Variants in CDH8 observed in about 807,000 individuals in gnomAD.
The protein encoded by CDH8 is cadherin-8.
CDH8 carries 17 observed loss-of-function variants against 68.1 expected under a neutral mutation model. The observed-to-expected ratio is 0.25, with a 90% CI of 0.17 to 0.37. The LOEUF (loss-of-function observed/expected upper bound fraction) is 0.37. Among genes scored for constraint, CDH8 ranks in the 10% least tolerant of loss-of-function variants. The probability of loss-of-function intolerance (pLI) is 1.00; values close to 1 mark genes in which losing one functional copy is unlikely to be tolerated. For synonymous variants in CDH8, 372 were observed against 365.1 expected (o/e 1.02, Z -0.21); for missense variants, 763 against 999.3 (o/e 0.76, Z 3.19).
intron 4 of CDH8, among the ~76,000 whole-genome samples, chr16:61,835,049 TAA>T (rs1962539561): frequency 1.3e-5 from 2 of 151,974 alleles, no homozygotes; most frequent in African/African-American, 4.8e-5. Context: ...GAATGCTTAG[TAA>T]GATATTTGTC....
intron 8 of CDH8, among the ~76,000 whole-genome samples, chr16:61,767,463 T>C (rs1465332418): frequency 6.6e-6 from 1 of 151,928 alleles, no homozygotes; most frequent in Non-Finnish European, 1.5e-5. Flanking sequence ...TGGACCATTT[T>C]ATATAGTTGT....
chr16:61,968,073 G>C (rs1313119976), intron 2 of CDH8, among the ~76,000 whole-genome samples: 1 of 152,170 alleles, frequency 6.6e-6, no homozygotes, highest in Non-Finnish European at 1.5e-5. Flanking sequence ...GCCTCCCAAA[G>C]AGCTGGGATT....
At chr16:61,801,849 AGTCT>A (rs1418209507) in intron 7 of CDH8, among the ~76,000 whole-genome samples, 1 of 152,112 alleles carries the variant, frequency 6.6e-6, no homozygotes, top group Non-Finnish European at 1.5e-5. Context: ...CTAGCACAGC[AGTCT>A]GAGATCAAAC....
intron 2 of CDH8, among the ~76,000 whole-genome samples, chr16:61,913,619 G>A (rs1964193605): frequency 6.6e-6 from 1 of 152,078 alleles, no homozygotes; most frequent in African/African-American, 2.4e-5. Context: ...GTTTGTGTGT[G>A]TGTGCATGTG....
Position 61,647,635 on chromosome 16 carries a change from T to G in CDH8, c.*5973A>C. Reference sequence around the variant, plus strand: ...ATTTGGCTTTGGGGGGTGATCCCAATGACTCCTAAATTGTCATGGTCCATC... The same window carrying G: ...ATTTGGCTTTGGGGGGTGATCCCAAGGACTCCTAAATTGTCATGGTCCATC... On this transcript the variant is annotated 3_prime_UTR_variant, in exon 12 of 12. Coordinates refer to ENST00000577390, the MANE Select transcript of CDH8 (RefSeq NM_001796.5). 1 of 550,876 alleles carries G rather than the reference T, an allele frequency of 1.8e-6. No individual in the cohort carries two copies. Among genetic ancestry groups the G allele is most frequent in the Admixed American group, 3.3e-5 (1 of 29,970 alleles). The allele number at this position is 550,876 out of a possible 1,614,324, so 34.1% of individuals were successfully genotyped here.
At chr16:61,717,420 G>T (rs1005681551) in intron 9 of CDH8, among the ~76,000 whole-genome samples, 7 of 151,392 alleles carry the variant, frequency 4.6e-5, no homozygotes, top group African/African-American at 1.7e-4. Flanking sequence ...GAAAACAATT[G>T]TGTGCTACAG....
chr16:61,759,514 A>C (rs1596940391), intron 8 of CDH8, among the ~76,000 whole-genome samples: 2 of 152,140 alleles, frequency 1.3e-5, no homozygotes, highest in East Asian at 3.9e-4. Context: ...TCAAAAGTCT[A>C]GGAGAATCAG....
At chr16:61,664,571 A>G (rs1259445810) in intron 10 of CDH8, among the ~76,000 whole-genome samples, 4 of 151,996 alleles carry the variant, frequency 2.6e-5, no homozygotes, top group Non-Finnish European at 4.4e-5. Context: ...TGGAAAGCAT[A>G]TATATCCTGG....
chr16:61,930,188 G>A (rs1420753180), intron 2 of CDH8, among the ~76,000 whole-genome samples: 1 of 151,704 alleles, frequency 6.6e-6, no homozygotes, highest in Non-Finnish European at 1.5e-5. Flanking sequence ...AAAGTAAAAA[G>A]AGCTGTCAAC....
chr16:61,814,112 T>A (rs1962019910), intron 7 of CDH8, among the ~76,000 whole-genome samples: 2 of 152,192 alleles, frequency 1.3e-5, no homozygotes, highest in Admixed American at 6.5e-5. Context: ...TATTGTCACT[T>A]AATCATCTCA....
At chr16:61,854,345 C>T (rs1597019510) in intron 4 of CDH8, among the ~76,000 whole-genome samples, 2 of 152,160 alleles carry the variant, frequency 1.3e-5, no homozygotes. Flanking sequence ...TTTATTAAAG[C>T]CTGGCCGTTT....
intron 8 of CDH8, among the ~76,000 whole-genome samples, chr16:61,745,618 A>T (rs1960003322): frequency 1.4e-5 from 2 of 144,068 alleles, no homozygotes; most frequent in Non-Finnish European, 1.5e-5. Flanking sequence ...TCTATTCTAA[A>T]TCTGGTTTGC....
intron 4 of CDH8, among the ~76,000 whole-genome samples, chr16:61,847,013 T>C (rs1335461878): frequency 1.3e-5 from 2 of 152,130 alleles, no homozygotes; most frequent in Non-Finnish European, 2.9e-5. Flanking sequence ...TGCTGGGATA[T>C]ATTGAATATG....
chr16:62,011,555 A>G (rs1353348225), intron 2 of CDH8, among the ~76,000 whole-genome samples: 1 of 152,194 alleles, frequency 6.6e-6, no homozygotes, highest in East Asian at 1.9e-4. Context: ...TACAGAGAGC[A>G]AAAAAGCATG....
chr16:61,951,929 A>G (rs763433528), intron 2 of CDH8, among the ~76,000 whole-genome samples: 22 of 152,208 alleles, frequency 1.4e-4, no homozygotes, highest in Admixed American at 1.3e-3. Context: ...GAATTTGTCA[A>G]CTTTGCTGGA....
At chr16:61,772,861 T>C (rs1960812915) in intron 8 of CDH8, among the ~76,000 whole-genome samples, 1 of 151,928 alleles carries the variant, frequency 6.6e-6, no homozygotes. Context: ...ACCAAAAAAT[T>C]TAAGAAACAC....
At chr16:61,808,295 C>A in intron 7 of CDH8, among the ~76,000 whole-genome samples, 1 of 152,002 alleles carries the variant, frequency 6.6e-6, no homozygotes. Flanking sequence ...AGCCTCAATT[C>A]CAAACCCCTG....
intron 2 of CDH8, among the ~76,000 whole-genome samples, chr16:61,948,086 A>G (rs1039977442): frequency 6.6e-6 from 1 of 152,198 alleles, no homozygotes; most frequent in Admixed American, 6.5e-5. Context: ...CACAAAAATC[A>G]ATCAATCATA....
At chr16:61,994,699 C>T (rs1445172740) in intron 2 of CDH8, among the ~76,000 whole-genome samples, 1 of 152,154 alleles carries the variant, frequency 6.6e-6, no homozygotes, top group Non-Finnish European at 1.5e-5. Flanking sequence ...TTCTGTCCCA[C>T]CACAGAGGTA....
Sources: allele counts gnomAD v4.1 joint callset (sites outside exome capture counted in the v4.1 genomes callset), GRCh38; gene constraint gnomAD v4.1.1; transcripts MANE v1.5; gene names NCBI Gene and HGNC (gene_info 2026-07-23, HGNC 2026-07-21).